Variants in USH2A observed in about 807,000 individuals in gnomAD.
USH2A encodes usherin, also known as Usher syndrome 2A (autosomal recessive, mild).
Under a neutral mutation model 538.9 loss-of-function variants are expected in USH2A, and 443 were observed. That is an observed-to-expected ratio of 0.82 (90% confidence interval 0.76 to 0.89). The LOEUF is 0.89. USH2A is among the 40% of genes least tolerant of loss of function. The pLI is 0.00. For missense variants in USH2A, 6,633 were observed against 6,324.8 expected (o/e 1.05, Z -1.65); for synonymous variants, 2,413 against 2,273.5 (o/e 1.06, Z -1.75).
intron 60 of USH2A, among the ~76,000 whole-genome samples, chr1:215,737,120 A>G (rs1660176766): frequency 6.6e-6 from 1 of 151,984 alleles, no homozygotes; most frequent in Admixed American, 6.6e-5. Flanking sequence ...CAGAATATTG[A>G]TGAGTCATTA....
At chr1:216,228,580 A>G (rs1269556902) in intron 14 of USH2A, among the ~76,000 whole-genome samples, 1 of 152,116 alleles carries the variant, frequency 6.6e-6, no homozygotes, top group Admixed American at 6.6e-5. Context: ...TTCCCTGCAC[A>G]AGCTTTCTTC....
At chr1:215,929,891 C>A (rs755834407) in intron 38 of USH2A, among the ~76,000 whole-genome samples, 1 of 151,606 alleles carries the variant, frequency 6.6e-6, no homozygotes, top group Non-Finnish European at 1.5e-5. Context: ...TTCTTTCTTT[C>A]TTTTTTTTCT....
In USH2A at chr1:216,083,438, T is replaced by C; in HGVS notation, c.5298+18A>G. On this transcript the variant is annotated intron_variant, in intron 26 of 71. Transcript: ENST00000307340. ...GTCCTATATTTTAAAGTAATTTTAA[T>C]CAAATTAATTCACATACAGCAAGAA... 6.2e-7 allele frequency: 1 copy of C among 1,607,942 alleles called. No individual in the cohort carries two copies.
chr1:216,313,324 C>T (rs2037454156), intron 9 of USH2A, among the ~76,000 whole-genome samples: 1 of 152,034 alleles, frequency 6.6e-6, no homozygotes, highest in African/African-American at 2.4e-5. Context: ...GGTTGGGGAC[C>T]CCTGTTCTAT....
At chr1:215,768,790 TG>T (rs1357103094) in intron 55 of USH2A, among the ~76,000 whole-genome samples, 1 of 152,214 alleles carries the variant, frequency 6.6e-6, no homozygotes, top group African/African-American at 2.4e-5. Flanking sequence ...TCTTGACCAG[TG>T]TGATACCATT....
In USH2A at chr1:215,934,749, G is replaced by A. The variant is rs200243588; in HGVS notation, c.7167C>T (p.Ser2389=). 1.0e-4 allele frequency: 161 copies of A among 1,612,596 alleles called. 1 individual carries two copies. The East Asian group carries it at 1.8e-3, about 18-fold the overall frequency. Reference sequence around the variant, plus strand: ...GCACCCAAAGGTTTGTCTCTTCTCCGCTGTACATGACTTTTGTGACATTCA... The same window carrying A: ...GCACCCAAAGGTTTGTCTCTTCTCCACTGTACATGACTTTTGTGACATTCA... ...TLLNVTKVMY[S]GEETNLWVLI... Residue 2389 remains serine, a synonymous_variant, in exon 38 of 72, where the codon AGC becomes AGT. Transcript: ENST00000307340.
At chr1:215,811,362 T>C (rs1662670525) in intron 49 of USH2A, among the ~76,000 whole-genome samples, 2 of 152,184 alleles carry the variant, frequency 1.3e-5, no homozygotes, top group South Asian at 4.1e-4. Flanking sequence ...ATCACTATTG[T>C]AAAACCTAAG....
chr1:216,316,091 T>C (rs1327380929), intron 9 of USH2A, among the ~76,000 whole-genome samples: 1 of 152,090 alleles, frequency 6.6e-6, no homozygotes, highest in Non-Finnish European at 1.5e-5. Context: ...GGCCTTAAAA[T>C]TGCCAGTACA....
intron 50 of USH2A, among the ~76,000 whole-genome samples, chr1:215,791,794 C>A (rs575280278): frequency 7.8e-4 from 118 of 151,590 alleles, no homozygotes; most frequent in Admixed American, 4.5e-3. Context: ...AAGTACATAC[C>A]CAAATACACA....
chr1:215,651,969 G>A lies in USH2A; in HGVS notation c.14134-1168C>T, dbSNP rs773958867. ...TCTCCAGCCCCTTGCTGATAGGATT[G>A]CCAGGAGCCTCATTTTTTAAAAGAG... is the stretch of plus-strand genomic sequence containing the variant. On this transcript the variant is annotated intron_variant, in intron 64 of 71. Transcript: ENST00000307340. Among the ~76,000 whole-genome samples, 3 of 152,328 alleles carry A rather than the reference G, an allele frequency of 2.0e-5. No homozygotes were observed. The East Asian group carries it at 5.8e-4, about 29-fold the overall frequency.
chr1:216,311,872 A>G (rs2037426250), intron 9 of USH2A, among the ~76,000 whole-genome samples: 1 of 152,040 alleles, frequency 6.6e-6, no homozygotes, highest in Non-Finnish European at 1.5e-5. Context: ...CATTCATTTC[A>G]CTTACACACA....
intron 4 of USH2A, among the ~76,000 whole-genome samples, chr1:216,328,665 C>T (rs996275593): frequency 6.6e-6 from 1 of 151,800 alleles, no homozygotes; most frequent in Admixed American, 6.6e-5. Context: ...TTGGAGGAAA[C>T]TGGGACAGAG....
At chr1:216,074,887 G>A (rs1324608852) in intron 27 of USH2A, among the ~76,000 whole-genome samples, 7 of 152,144 alleles carry the variant, frequency 4.6e-5, no homozygotes, top group African/African-American at 1.7e-4. Context: ...GGGGTACATA[G>A]TTTTAGCTTT....
intron 32 of USH2A, among the ~76,000 whole-genome samples, chr1:216,009,708 G>C (rs923365985): frequency 6.6e-6 from 1 of 152,000 alleles, no homozygotes; most frequent in Non-Finnish European, 1.5e-5. Context: ...GGCCAAGCTA[G>C]GTCCCAATTC....
intron 46 of USH2A, among the ~76,000 whole-genome samples, chr1:215,841,692 A>G (rs1558122852): frequency 1.3e-5 from 2 of 152,248 alleles, no homozygotes; most frequent in African/African-American, 4.8e-5. Context: ...AAAATTGACA[A>G]ATGGGATCTA....
chr1:215,721,881 T>C (rs1420692959), intron 61 of USH2A, among the ~76,000 whole-genome samples: 3 of 152,014 alleles, frequency 2.0e-5, no homozygotes, highest in Non-Finnish European at 4.4e-5. Flanking sequence ...TGGGGCAATT[T>C]AGTGAGACAC....
chr1:215,894,809 A>G (rs1260089635), intron 40 of USH2A, among the ~76,000 whole-genome samples: 1 of 152,122 alleles, frequency 6.6e-6, no homozygotes, highest in East Asian at 1.9e-4. Context: ...CGACAGGACA[A>G]CCTGAGAGTC....
intron 61 of USH2A, among the ~76,000 whole-genome samples, chr1:215,721,005 C>A (rs930638666): frequency 6.6e-6 from 1 of 152,066 alleles, no homozygotes; most frequent in Non-Finnish European, 1.5e-5. Context: ...GGAAAATGAC[C>A]ATGCCCTCTT....
intron 65 of USH2A, 84 bp downstream of exon 65, chr1:215,650,507 GA>G (rs1244625779): frequency 2.0e-6 from 3 of 1,532,148 alleles, no homozygotes; most frequent in Non-Finnish European, 2.7e-6. Context: ...AAGATGGAGG[GA>G]AAAACAAAAA....
Sources: allele counts gnomAD v4.1 joint callset (sites outside exome capture counted in the v4.1 genomes callset), GRCh38; gene constraint gnomAD v4.1.1; transcripts MANE v1.5; gene names NCBI Gene and HGNC (gene_info 2026-07-23, HGNC 2026-07-21).